The following SLC25A21 variants were observed in gnomAD, a reference collection of about 807,000 sequenced individuals.
The protein encoded by SLC25A21 is mitochondrial 2-oxodicarboxylate carrier.
Under a neutral mutation model 43.8 loss-of-function variants are expected in SLC25A21, and 47 were observed. The observed-to-expected ratio is 1.07, with a 90% confidence interval of 0.85 to 1.37. SLC25A21 has a LOEUF of 1.37. SLC25A21 is among the 40% of genes most tolerant of loss of function. The pLI is 0.00. For missense variants in SLC25A21, 352 were observed against 350.2 expected (o/e 1.00, Z -0.04); for synonymous variants, 131 against 121.3 (o/e 1.08, Z -0.52).
At chr14:36,888,999 A>G (rs1891003990) in intron 1 of SLC25A21, among the ~76,000 whole-genome samples, 1 of 152,224 alleles carries the variant, frequency 6.6e-6, no homozygotes, top group Admixed American at 6.5e-5. Context: ...ACTTGTCTTT[A>G]GGTGTCAGCT....
At chr14:36,960,721 C>T (rs749797645) in intron 1 of SLC25A21, among the ~76,000 whole-genome samples, 1 of 152,128 alleles carries the variant, frequency 6.6e-6, no homozygotes, top group African/African-American at 2.4e-5. Flanking sequence ...AAATGTAAAG[C>T]TGTGGCCTGT....
chr14:36,849,042 G>T (rs1237622866), intron 2 of SLC25A21, among the ~76,000 whole-genome samples: 2 of 152,192 alleles, frequency 1.3e-5, no homozygotes, highest in African/African-American at 4.8e-5. Context: ...CAGGGGATCT[G>T]CAAAGTTGTA....
intron 1 of SLC25A21, among the ~76,000 whole-genome samples, chr14:37,038,353 T>A (rs768062104): frequency 5.3e-5 from 8 of 152,194 alleles, no homozygotes; most frequent in Non-Finnish European, 1.0e-4. Flanking sequence ...GAAAAATTTG[T>A]CTTTCTGCCT....
chr14:37,098,928 G>A (rs1036523252), intron 1 of SLC25A21, among the ~76,000 whole-genome samples: 9 of 151,624 alleles, frequency 5.9e-5, no homozygotes, highest in Middle Eastern at 6.8e-3. Flanking sequence ...TCAGCCTCTC[G>A]AGTAGCTGGG....
intron 1 of SLC25A21, among the ~76,000 whole-genome samples, chr14:37,040,222 A>G (rs868848395): frequency 0.046 from 749 of 16,134 alleles, 141 homozygotes; most frequent in African/African-American, 0.19. Context: ...GAAAAAGAAA[A>G]AGAAAAAGAA....
At chr14:36,847,349 C>G (rs1344473514) in intron 2 of SLC25A21, among the ~76,000 whole-genome samples, 1 of 152,108 alleles carries the variant, frequency 6.6e-6, no homozygotes, top group Non-Finnish European at 1.5e-5. Context: ...ATGTCTACAG[C>G]CTAAAACTAG....
chr14:36,748,643 C>G (rs1206492782), intron 3 of SLC25A21, among the ~76,000 whole-genome samples: 1 of 152,206 alleles, frequency 6.6e-6, no homozygotes, highest in Non-Finnish European at 1.5e-5. Flanking sequence ...ATTCAAAACA[C>G]TTGAAAAACA....
At chr14:36,722,830 GGATTA>G (rs1439306183) in intron 6 of SLC25A21, among the ~76,000 whole-genome samples, 1 of 152,004 alleles carries the variant, frequency 6.6e-6, no homozygotes, top group Non-Finnish European at 1.5e-5. Context: ...TTTTATGCTT[GGATTA>G]ATTTTTTTAA....
intron 3 of SLC25A21, among the ~76,000 whole-genome samples, chr14:36,770,478 ATGTACAGTAACAAGCC>A (rs1354943824): frequency 3.3e-5 from 5 of 152,202 alleles, no homozygotes; most frequent in Admixed American, 1.3e-4. Flanking sequence ...CACGCAATAC[ATGTACAGTAACAAGCC>A]TGTACATGTA....
At chr14:36,824,854 G>C (rs960235863) in intron 2 of SLC25A21, among the ~76,000 whole-genome samples, 4 of 147,110 alleles carry the variant, frequency 2.7e-5, no homozygotes, top group African/African-American at 1.0e-4. Flanking sequence ...GGGAGAGAGA[G>C]CCAGCCTTCC....
chr14:36,898,879 C>T (rs960266894), intron 1 of SLC25A21, among the ~76,000 whole-genome samples: 1 of 152,112 alleles, frequency 6.6e-6, no homozygotes, highest in Non-Finnish European at 1.5e-5. Context: ...AACATGATGA[C>T]TTTAATTAAC....
chr14:36,918,049 G>C (rs766895028), intron 1 of SLC25A21, among the ~76,000 whole-genome samples: 6 of 152,094 alleles, frequency 3.9e-5, no homozygotes, highest in African/African-American at 7.2e-5. Flanking sequence ...AAGGCACTAG[G>C]CCTCAGGAAA....
chr14:36,743,551 T>C (rs906408768), intron 3 of SLC25A21, among the ~76,000 whole-genome samples: 1 of 151,964 alleles, frequency 6.6e-6, no homozygotes, highest in African/African-American at 2.4e-5. Flanking sequence ...AAGCCATCCA[T>C]ATATGACACA....
intron 1 of SLC25A21, among the ~76,000 whole-genome samples, chr14:37,165,511 T>C (rs1964015961): frequency 6.6e-6 from 1 of 152,130 alleles, no homozygotes; most frequent in South Asian, 2.1e-4. Flanking sequence ...GATAATGCTG[T>C]AGAAGGCATT....
At chr14:37,000,192 A>C (rs1960457055) in intron 1 of SLC25A21, among the ~76,000 whole-genome samples, 2 of 152,066 alleles carry the variant, frequency 1.3e-5, no homozygotes, top group Non-Finnish European at 2.9e-5. Context: ...TCAATCAGCA[A>C]ACCAAATCAA....
chr14:36,886,672 T>C (rs1176041035), intron 1 of SLC25A21, among the ~76,000 whole-genome samples: 1 of 151,704 alleles, frequency 6.6e-6, no homozygotes, highest in Non-Finnish European at 1.5e-5. Context: ...AATAAGTGAG[T>C]TTTTTTTAAC....
intron 1 of SLC25A21, among the ~76,000 whole-genome samples, chr14:36,924,933 C>T (rs1892089001): frequency 6.6e-6 from 1 of 152,090 alleles, no homozygotes; most frequent in South Asian, 2.1e-4. Flanking sequence ...ATGTGGTGAT[C>T]CTGGAACCAA....
At chr14:36,771,023 C>T (rs1454369512) in intron 3 of SLC25A21, among the ~76,000 whole-genome samples, 1 of 151,402 alleles carries the variant, frequency 6.6e-6, no homozygotes, top group East Asian at 2.0e-4. Flanking sequence ...TAAGATGCTG[C>T]ATTTTGACTC....
rs1886794354 is a variant in SLC25A21 at position 36,775,663 on chromosome 14, C to A, written c.203+38255G>T. ...TCTTTTATAGTTCATAACCGAGCAA[C>A]CAACAATTAACTATACTTGCCTGTC... On this transcript the variant is annotated intron_variant, in intron 3 of 9. Coordinates refer to ENST00000331299, the MANE Select transcript of SLC25A21 (RefSeq NM_030631.4). 2.0e-5 allele frequency among the ~76,000 whole-genome samples: 3 copies of A among 152,122 alleles called. No homozygotes were observed. In the South Asian group the frequency reaches 6.2e-4, roughly 32 times the overall value.
Sources: allele counts gnomAD v4.1 joint callset (sites outside exome capture counted in the v4.1 genomes callset), GRCh38; gene constraint gnomAD v4.1.1; transcripts MANE v1.5; gene names NCBI Gene and HGNC (gene_info 2026-07-23, HGNC 2026-07-21).